IGF2R: variants seen among roughly 807,000 people sequenced by gnomAD.
IGF2R encodes cation-independent mannose-6-phosphate receptor.
In IGF2R, 91 loss-of-function variants were observed where a neutral mutation model predicts 270.6. The ratio of observed to expected loss-of-function variants is 0.34; its 90% CI spans 0.28 to 0.40. The LOEUF is 0.40. IGF2R is among the 10% of genes least tolerant of loss of function. The probability of loss-of-function intolerance (pLI) is 1.00; values close to 1 mark genes in which losing one functional copy is unlikely to be tolerated. For missense variants in IGF2R, 2,805 were observed against 3,188.3 expected, an observed-to-expected ratio of 0.88 and a Z score of 2.90; for synonymous variants, 1,316 against 1,258.9, an observed-to-expected ratio of 1.05 and a Z score of -0.96.
At chr6:159,976,337 A>G (rs1297884471) in intron 1 of IGF2R, among the ~76,000 whole-genome samples, 1 of 152,126 alleles carries the variant, frequency 6.6e-6, no homozygotes, top group Non-Finnish European at 1.5e-5. Context: ...GATACTCTAT[A>G]GCTCTAGGTA....
chr6:160,072,104 A>C, intron 32 of IGF2R, 68 bp downstream of exon 32: 242 of 1,595,120 alleles, frequency 1.5e-4, no homozygotes, highest in Non-Finnish European at 1.9e-4. Context: ...AACCCAGCTC[A>C]TCAGGGGAGA....
chr6:159,980,239 G>GAAAAGAAAA (rs1562330724), intron 1 of IGF2R, among the ~76,000 whole-genome samples: 1 of 145,768 alleles, frequency 6.9e-6, no homozygotes, highest in South Asian at 2.2e-4. Context: ...AAGAAAGAAA[G>GAAAAGAAAA]GTACATGGAA....
At chr6:160,041,693 C>G (rs918952568) in intron 11 of IGF2R, among the ~76,000 whole-genome samples, 3 of 152,180 alleles carry the variant, frequency 2.0e-5, no homozygotes, top group African/African-American at 7.2e-5. Context: ...AAAGAGGAAT[C>G]CCTCTTGTGG....
intron 44 of IGF2R, chr6:160,094,218 C>T: frequency 3.0e-6 from 1 of 338,456 alleles, no homozygotes. Flanking sequence ...TTCTCAGTAT[C>T]CATTCGCCAG....
rs765297334 is a variant in IGF2R at position 160,064,485 on chromosome 6, AGC to A, written c.3974_3975del (p.Arg1325LeufsTer9). On this transcript the variant is annotated frameshift_variant, in exon 28 of 48. Coordinates refer to ENST00000356956, the MANE Select transcript of IGF2R (RefSeq NM_000876.4). LOFTEE classifies it high-confidence loss of function. ...GGGGACACTTGCCATAAGGTTTATC[AGC>A]GCTCCACAGCCATCTTCTTCTACTG... 1.2e-6 allele frequency: 2 copies of A among 1,614,194 alleles called. No homozygotes were observed. The highest frequency in any genetic ancestry group is 1.7e-6 in the Non-Finnish European group (2 of 1,180,028).
intron 13 of IGF2R, among the ~76,000 whole-genome samples, 181 bp downstream of exon 13, chr6:160,044,838 C>T (rs1189010290): frequency 6.6e-6 from 1 of 152,166 alleles, no homozygotes; most frequent in African/African-American, 2.4e-5. Context: ...TCCCTCATCC[C>T]CTCCTCAAAA....
At chr6:160,060,255 G>A (rs963342291) in intron 22 of IGF2R, among the ~76,000 whole-genome samples, 3 of 152,152 alleles carry the variant, frequency 2.0e-5, no homozygotes, top group East Asian at 1.9e-4. Flanking sequence ...TGGAGCGAGT[G>A]TGTAAACCTG....
intron 14 of IGF2R, 37 bp from the exon 15 acceptor site, chr6:160,046,461 G>C: frequency 6.3e-7 from 1 of 1,585,170 alleles, no homozygotes; most frequent in Non-Finnish European, 8.6e-7. Flanking sequence ...CTGTCGGACT[G>C]ACCTTCCATA....
intron 12 of IGF2R, 106 bp from the exon 13 acceptor site, chr6:160,044,408 T>G: frequency 2.8e-6 from 3 of 1,063,618 alleles, no homozygotes; most frequent in Non-Finnish European, 4.1e-6. Flanking sequence ...TTGGGCTGAT[T>G]TCTTTCTTTC....
rs200325285 is a variant in IGF2R, at chr6:160,064,857, G to T, written c.4071G>T (p.Thr1357=). The T allele has an allele frequency of 2.5e-6, 4 of 1,613,656 alleles. No individual in the cohort carries two copies. Among genetic ancestry groups the T allele is most frequent in the Non-Finnish European group, 3.4e-6 (4 of 1,179,524 alleles). The stretch of plus-strand genomic sequence containing the variant: ...GTTCCTACTTGTTTGAGTGGCGAAC[G>T]CAGTATGCCTGCCCACCTTTCGATC... ...SDCSYLFEWR[T]QYACPPFDLT... Residue 1357 remains threonine (T), a synonymous_variant, in exon 29 of 48, where the codon ACG becomes ACT. Transcript: ENST00000356956.
chr6:160,098,862 C>T (rs759888100), intron 45 of IGF2R, among the ~76,000 whole-genome samples: 12 of 152,050 alleles, frequency 7.9e-5, no homozygotes, highest in African/African-American at 2.2e-4. Context: ...TAGCAATGTT[C>T]GCCCTAATAG....
At position 159,993,825 on chromosome 6, in the gene IGF2R, A is replaced by G. The variant is rs929794856; in HGVS notation, c.289+2502A>G. ...GCAGATTGCTTTGGGCATTATGGTCATGTTAACAATACTAATTCTTCTAGG... is the reference window on the plus strand; with the variant it reads ...GCAGATTGCTTTGGGCATTATGGTCGTGTTAACAATACTAATTCTTCTAGG... On this transcript the variant is annotated intron_variant, in intron 2 of 47. Coordinates refer to ENST00000356956, the MANE Select transcript of IGF2R (RefSeq NM_000876.4). Among the ~76,000 whole-genome samples, 3 of 152,048 alleles carry G rather than the reference A, an allele frequency of 2.0e-5. No homozygotes were observed. In the East Asian group the frequency reaches 5.8e-4, roughly 29 times the overall value.
Position 160,068,287 on chromosome 6 carries a change from C to A in IGF2R, c.4154C>A (p.Ser1385Ter). The A allele has an allele frequency of 6.2e-7, 1 of 1,614,226 alleles. No individual in the cohort carries two copies. The highest frequency in any genetic ancestry group is 8.5e-7 in the Non-Finnish European group (1 of 1,180,014). Residue 1385 changes from serine to a stop codon, truncating the protein, a stop_gained, in exon 30 of 48, where the codon TCA becomes TAA. Coordinates refer to ENST00000356956, the MANE Select transcript of IGF2R (RefSeq NM_000876.4). LOFTEE classifies it high-confidence loss of function. ...AACTCCTTCGACCTCTCGTCCCTGT[C>A]AAGGTACAGTGACAACTGGGAAGCC... is the stretch of plus-strand genomic sequence containing the variant. ...AGNSFDLSSL[S>*]RYSDNWEAIT...
chr6:160,062,576 TA>T lies in IGF2R; in HGVS notation c.3628del (p.Ile1210SerfsTer20). ...TTCAGGATGGTTGTGAGTACGTGTT[TA>T]TCTGGAGAACTGTGGAAGCCTGTCC... ...QLQDGCEYVFIWRTVEACPVV... is the reference protein window; with the variant it reads ...QLQDGCEYVFXWRTVEACPVV... On this transcript the variant is annotated frameshift_variant, in exon 26 of 48. Transcript: ENST00000356956. LOFTEE classifies it high-confidence loss of function. 1 of 1,614,076 alleles carries T rather than the reference TA, an allele frequency of 6.2e-7. No individual in the cohort carries two copies. The highest frequency in any genetic ancestry group is 8.5e-7 in the Non-Finnish European group (1 of 1,179,928).
intron 11 of IGF2R, 113 bp downstream of exon 11, chr6:160,040,837 C>T (rs1777929935): frequency 9.6e-7 from 1 of 1,043,134 alleles, no homozygotes; most frequent in Non-Finnish European, 1.4e-6. Flanking sequence ...TGCGTCACAG[C>T]CCTCCCCCAG....
Position 159,969,525 on chromosome 6 carries a change from C to A in IGF2R, c.149+130C>A, listed in dbSNP as rs1264754254. ...CTCCGTTCCGCGCCGGGGTCCGCCCCGTTCCCGAGGGAAAGTTGCCTGCGT... is the reference window on the plus strand; with the variant it reads ...CTCCGTTCCGCGCCGGGGTCCGCCCAGTTCCCGAGGGAAAGTTGCCTGCGT... On this transcript the variant is annotated intron_variant, in intron 1 of 47. Coordinates refer to ENST00000356956, the MANE Select transcript of IGF2R (RefSeq NM_000876.4). 13 of 725,340 alleles carry A rather than the reference C, an allele frequency of 1.8e-5. No homozygotes were observed. The South Asian group carries it at 2.0e-4, about 11-fold the overall frequency. 44.9% of individuals were successfully genotyped at this position (725,340 alleles called of 1,614,324 possible). A position where few individuals can be genotyped will look rare whatever the true frequency, so the allele number is the denominator to read the frequency against.
At chr6:160,010,445 G>A (rs1287310952) in intron 3 of IGF2R, 2 of 391,446 alleles carry the variant, frequency 5.1e-6, no homozygotes, top group East Asian at 4.2e-5. Context: ...GCACAGCTGG[G>A]GCGGTAGAAT....
chr6:160,058,772 A>G, intron 21 of IGF2R, 134 bp from the exon 22 acceptor site: 1 of 734,768 alleles, frequency 1.4e-6, no homozygotes, highest in Non-Finnish European at 2.2e-6. Context: ...CATGCCAGAA[A>G]GTGGAAAGTT....
At chr6:159,977,896 G>A (rs991407024) in intron 1 of IGF2R, among the ~76,000 whole-genome samples, 13 of 151,384 alleles carry the variant, frequency 8.6e-5, no homozygotes, top group Non-Finnish European at 1.5e-4. Context: ...GATGCTAACC[G>A]TGTTGTAGGC....
Sources: gnomAD v4.1 joint callset for allele counts (sites outside exome capture counted in the v4.1 genomes callset) on GRCh38, gnomAD v4.1.1 for gene constraint, MANE v1.5 for transcripts, NCBI Gene and HGNC (gene_info 2026-07-23, HGNC 2026-07-21) for gene names.